VDAC1: variants seen among roughly 807,000 people sequenced by gnomAD.
VDAC1 encodes non-selective voltage-gated ion channel VDAC1.
In VDAC1, 10 loss-of-function variants were observed where a neutral mutation model predicts 34.7. The ratio of observed to expected loss-of-function variants is 0.29; its 90% CI spans 0.18 to 0.49. The LOEUF (loss-of-function observed/expected upper bound fraction) is 0.49, where lower values mean the gene tolerates loss of function less well. VDAC1 is among the 20% of genes least tolerant of loss of function. The pLI, the probability that VDAC1 is intolerant of heterozygous loss-of-function variation, is 0.99. For synonymous variants in VDAC1, 130 were observed against 136.0 expected, an observed-to-expected ratio of 0.96 and a Z score of 0.30; for missense variants, 230 against 347.9, an observed-to-expected ratio of 0.66 and a Z score of 2.69.
chr5:134,050,006 T>C, the VDAC1 span, among the ~76,000 whole-genome samples: 1 of 152,040 alleles, frequency 6.6e-6, no homozygotes, highest in Admixed American at 6.6e-5. Context: ...ACCCCAGCAC[T>C]TTGGGAGGCT....
the VDAC1 span, among the ~76,000 whole-genome samples, chr5:134,060,479 T>A: frequency 6.6e-6 from 1 of 152,014 alleles, no homozygotes; most frequent in East Asian, 1.9e-4. Flanking sequence ...ATTAGAGATA[T>A]ATGATACACT....
At chr5:134,100,748 T>C in the VDAC1 span, among the ~76,000 whole-genome samples, 2 of 152,246 alleles carry the variant, frequency 1.3e-5, no homozygotes, top group Admixed American at 6.5e-5. Context: ...CCCAGCACTC[T>C]AGAACCCTCC....
At chr5:134,055,588 G>GTTTTTGTTTTTTTTTTTTTTTTTTT in the VDAC1 span, among the ~76,000 whole-genome samples, 1 of 59,616 alleles carries the variant, frequency 1.7e-5, no homozygotes, top group East Asian at 7.2e-4. Flanking sequence ...CCCCGCTAAT[G>GTTTTTGTTTTTTTTTTTTTTTTTTT]TTTTTTTTTT....
the VDAC1 span, among the ~76,000 whole-genome samples, chr5:134,030,915 T>C: frequency 6.6e-6 from 1 of 152,082 alleles, no homozygotes; most frequent in Non-Finnish European, 1.5e-5. Flanking sequence ...TCCCAGCCTC[T>C]CTGCAGCTTT....
the VDAC1 span, among the ~76,000 whole-genome samples, chr5:134,043,818 C>G: frequency 1.3e-5 from 2 of 152,164 alleles, no homozygotes; most frequent in Non-Finnish European, 2.9e-5. Flanking sequence ...CAGGTGTGAG[C>G]CACCGCGCCC....
At chr5:133,992,198 T>G (rs996146649) in intron 3 of VDAC1, 108 bp downstream of exon 3, 2 of 777,456 alleles carry the variant, frequency 2.6e-6, no homozygotes, top group Non-Finnish European at 3.5e-6. Context: ...ATCACGCCAT[T>G]GTACTCCAGC....
the VDAC1 span, among the ~76,000 whole-genome samples, chr5:134,015,169 T>C: frequency 6.6e-6 from 1 of 150,994 alleles, no homozygotes; most frequent in African/African-American, 2.4e-5. Context: ...TGGATACACA[T>C]GGACATAAAT....
the VDAC1 span, among the ~76,000 whole-genome samples, chr5:134,016,259 G>C: frequency 3.3e-5 from 5 of 152,210 alleles, no homozygotes; most frequent in Admixed American, 6.5e-5. Flanking sequence ...GCTGGTACCT[G>C]TGACGTTCTC....
the VDAC1 span, among the ~76,000 whole-genome samples, chr5:134,080,440 C>A: frequency 0.16 from 19,749 of 122,324 alleles, 1,494 homozygotes; most frequent in East Asian, 0.34. Flanking sequence ...GCCCCAGACC[C>A]CTGTCTGTAA....
At chr5:134,043,514 G>A in the VDAC1 span, among the ~76,000 whole-genome samples, 1 of 151,562 alleles carries the variant, frequency 6.6e-6, no homozygotes, top group South Asian at 2.1e-4. Context: ...AGGATGGGCT[G>A]GGTAGACTTT....
chr5:134,024,328 G>A, the VDAC1 span, among the ~76,000 whole-genome samples: 2 of 151,994 alleles, frequency 1.3e-5, no homozygotes, highest in Non-Finnish European at 2.9e-5. Flanking sequence ...AGGAGTTTGA[G>A]AGCAGCCTGG....
chr5:134,082,555 C>T, the VDAC1 span, among the ~76,000 whole-genome samples: 1 of 152,130 alleles, frequency 6.6e-6, no homozygotes, highest in African/African-American at 2.4e-5. Context: ...TTTGGGTGGA[C>T]ATGTTTTAAT....
the VDAC1 span, among the ~76,000 whole-genome samples, chr5:134,057,195 G>A: frequency 6.6e-6 from 1 of 151,998 alleles, no homozygotes; most frequent in East Asian, 1.9e-4. Flanking sequence ...TTAGCCAAGT[G>A]AAGGCTGGGC....
the VDAC1 span, among the ~76,000 whole-genome samples, chr5:134,105,787 C>A: frequency 6.6e-6 from 1 of 152,266 alleles, no homozygotes; most frequent in African/African-American, 2.4e-5. Flanking sequence ...GGCAGTGCCC[C>A]TGCCCAGGCA....
intron 8 of VDAC1, 26 bp from the exon 9 acceptor site, chr5:133,972,888 G>A: frequency 6.4e-7 from 1 of 1,568,322 alleles, no homozygotes; most frequent in East Asian, 2.2e-5. Flanking sequence ...TGAGGGAGAG[G>A]AAAGGAGGAG....
chr5:134,030,977 C>A, the VDAC1 span, among the ~76,000 whole-genome samples: 1 of 152,066 alleles, frequency 6.6e-6, no homozygotes, highest in African/African-American at 2.4e-5. Context: ...AACAAGGCCC[C>A]TTCCCTAGGG....
upstream of VDAC1, among the ~76,000 whole-genome samples, chr5:134,006,217 C>T (rs908871223): frequency 1.3e-5 from 2 of 152,142 alleles, no homozygotes; most frequent in African/African-American, 2.4e-5. Flanking sequence ...CCCTCCCAGG[C>T]GCACGAGTTG....
At chr5:134,076,014 T>G in the VDAC1 span, among the ~76,000 whole-genome samples, 1 of 151,940 alleles carries the variant, frequency 6.6e-6, no homozygotes, top group Non-Finnish European at 1.5e-5. Context: ...GGAGTCTCCC[T>G]CTGTCACCCA....
chr5:134,065,622 T>C, the VDAC1 span, among the ~76,000 whole-genome samples: 1 of 151,996 alleles, frequency 6.6e-6, no homozygotes, highest in Non-Finnish European at 1.5e-5. Flanking sequence ...ATTATAGACA[T>C]GAGCCACTGT....
Sources: gnomAD v4.1 joint callset for allele counts (sites outside exome capture counted in the v4.1 genomes callset) on GRCh38, gnomAD v4.1.1 for gene constraint, MANE v1.5 for transcripts, NCBI Gene and HGNC (gene_info 2026-07-23, HGNC 2026-07-21) for gene names.